Variants in PARVG observed in about 807,000 individuals in gnomAD.
PARVG encodes gamma-parvin.
Under a neutral mutation model 44.4 loss-of-function variants are expected in PARVG, and 36 were observed. That is an observed-to-expected ratio of 0.81 (90% CI 0.62 to 1.07). The LOEUF is 1.07. Ranked by LOEUF, PARVG falls within the 50% of genes least tolerant of loss-of-function variation. The pLI, the probability that PARVG is intolerant of heterozygous loss-of-function variation, is 0.00. For synonymous variants in PARVG, 170 were observed against 174.1 expected, an observed-to-expected ratio of 0.98 and a Z score of 0.19; for missense variants, 407 against 407.4, an observed-to-expected ratio of 1.00 and a Z score of 0.01.
In PARVG at chr22:44,206,474, G is replaced by A; in HGVS notation, c.*48G>A. The A allele has an allele frequency of 6.4e-7, 1 of 1,565,176 alleles. No homozygotes were observed. Among genetic ancestry groups the A allele is most frequent in the Non-Finnish European group, 8.8e-7 (1 of 1,136,188 alleles). On this transcript the variant is annotated 3_prime_UTR_variant, in exon 14 of 14. Coordinates refer to ENST00000444313, the MANE Select transcript of PARVG (RefSeq NM_022141.7). The stretch of plus-strand genomic sequence containing the variant: ...GAGCCTGCCTGTCAGCCCAGCTGGA[G>A]GGCCCGAGGCTGCAGGGTGTCCTCC...
chr22:44,203,192 G>A (rs1053651407), intron 12 of PARVG, among the ~76,000 whole-genome samples: 2 of 152,202 alleles, frequency 1.3e-5, no homozygotes, highest in African/African-American at 4.8e-5. Flanking sequence ...AGCTCTATGA[G>A]GGCAGGAGGT....
intron 12 of PARVG, among the ~76,000 whole-genome samples, chr22:44,199,031 T>C (rs901736103): frequency 4.3e-5 from 5 of 117,408 alleles, no homozygotes; most frequent in African/African-American, 1.9e-4. Flanking sequence ...ATTATCTACC[T>C]ACCTGACCGC....
At chr22:44,178,548 G>C (rs1280332106), upstream of PARVG, among the ~76,000 whole-genome samples, 1 of 152,192 alleles carries the variant, frequency 6.6e-6, no homozygotes, top group Non-Finnish European at 1.5e-5. Context: ...TTAATGTCTA[G>C]CATTCAATAA....
At chr22:44,180,728 C>T (rs2054363190), upstream of PARVG, among the ~76,000 whole-genome samples, 1 of 152,192 alleles carries the variant, frequency 6.6e-6, no homozygotes, top group Non-Finnish European at 1.5e-5. Context: ...ATATTAGCAA[C>T]AATACCAGTA....
At chr22:44,175,523 G>A (rs2054310788) in intron 1 of PARVG, among the ~76,000 whole-genome samples, 1 of 152,236 alleles carries the variant, frequency 6.6e-6, no homozygotes, top group Non-Finnish European at 1.5e-5. Flanking sequence ...ACTCTTTGGG[G>A]TTTAAATTTG....
upstream of PARVG, among the ~76,000 whole-genome samples, chr22:44,179,460 C>T (rs2054348287): frequency 1.3e-5 from 2 of 152,214 alleles, no homozygotes; most frequent in Admixed American, 1.3e-4. The surrounding 1 kb of genome is among the most constrained non-coding windows in gnomAD (Gnocchi z 4.2). Context: ...CCTTTTCTTG[C>T]TTTAAACTCT....
At position 44,198,576 on chromosome 22, in the gene PARVG, G is replaced by A. The variant is rs200875106; in HGVS notation, c.712-45G>A. The A allele has an allele frequency of 1.2e-3, 1,695 of 1,462,658 alleles. 18 individuals are homozygous for A. The highest frequency in any genetic ancestry group is 8.1e-4 in the Admixed American group (48 of 59,098). The allele number at this position is 1,462,658 out of a possible 1,614,324, so 90.6% of individuals were successfully genotyped here. On this transcript the variant is annotated intron_variant, in intron 11 of 13. Transcript: ENST00000444313. Reference sequence around the variant, plus strand: ...GCCTGTAAAAGACAGAGTGGGCTTCGCCAGGCTTCTTCCATGTGATTGTCT... The same window carrying A: ...GCCTGTAAAAGACAGAGTGGGCTTCACCAGGCTTCTTCCATGTGATTGTCT...
At chr22:44,206,160 G>T (rs910662331) in intron 13 of PARVG, among the ~76,000 whole-genome samples, 157 bp from the exon 14 acceptor site, 1 of 152,146 alleles carries the variant, frequency 6.6e-6, no homozygotes, top group African/African-American at 2.4e-5. Context: ...CAGCAGGCGC[G>T]GGACCCAGGC....
intron 4 of PARVG, 192 bp from the exon 5 acceptor site, chr22:44,187,584 A>G: frequency 1.6e-6 from 1 of 617,934 alleles, no homozygotes. Flanking sequence ...AGAAGCAGGG[A>G]GTCTGCAGGA....
intron 4 of PARVG, chr22:44,186,591 C>T (rs554266694): frequency 4.2e-6 from 2 of 471,252 alleles, no homozygotes; most frequent in Admixed American, 4.7e-5. Context: ...CCTGGCCCAG[C>T]CCTGTGACTG....
In PARVG at chr22:44,198,881, T is replaced by TCCAC. The variant is rs1278085538; in HGVS notation, c.813+161_813+164dup. Among the ~76,000 whole-genome samples, 161 of 143,836 alleles carry TCCAC rather than the reference T, an allele frequency of 1.1e-3. 3 individuals carry two copies. The highest frequency in any genetic ancestry group is 3.6e-3 in the African/African-American group (141 of 38,962). 94.4% of individuals were successfully genotyped at this position (143,836 alleles called of 152,430 possible). On this transcript the variant is annotated intron_variant, in intron 12 of 13. Coordinates refer to ENST00000444313, the MANE Select transcript of PARVG (RefSeq NM_022141.7). ...GCCTATCCATCCATCCATCCATCCA[T>TCCAC]CCACCTATTCACCTATCCATCCATC...
intron 8 of PARVG, among the ~76,000 whole-genome samples, chr22:44,193,340 C>G (rs2054574780): frequency 6.6e-6 from 1 of 152,110 alleles, no homozygotes; most frequent in Non-Finnish European, 1.5e-5. Context: ...ACAGGCAAAA[C>G]CAACAGATGG....
intron 5 of PARVG, chr22:44,188,803 G>T: frequency 2.5e-6 from 1 of 405,620 alleles, no homozygotes; most frequent in East Asian, 4.6e-5. Flanking sequence ...GTGCAGAAGG[G>T]CAGGGGCTGC....
intron 1 of PARVG, among the ~76,000 whole-genome samples, chr22:44,174,697 C>T (rs1452046214): frequency 1.3e-5 from 2 of 151,188 alleles, no homozygotes; most frequent in African/African-American, 4.9e-5. Flanking sequence ...GATCACCCCA[C>T]TGCACTCCAG....
intron 12 of PARVG, among the ~76,000 whole-genome samples, chr22:44,203,997 A>C (rs891434878): frequency 5.3e-5 from 8 of 152,322 alleles, no homozygotes; most frequent in Middle Eastern, 6.8e-3. Context: ...GGCACGTGCC[A>C]CCACACCCAG....
At chr22:44,175,821 A>T (rs1001397688) in intron 1 of PARVG, among the ~76,000 whole-genome samples, 1 of 152,234 alleles carries the variant, frequency 6.6e-6, no homozygotes, top group African/African-American at 2.4e-5. Flanking sequence ...GCATCTGGGC[A>T]TAGAGGCGGG....
At position 44,185,999 on chromosome 22, in the gene PARVG, G is replaced by A. The variant is rs552933933; in HGVS notation, c.144+127G>A. On this transcript the variant is annotated intron_variant, in intron 4 of 13. Coordinates refer to ENST00000444313, the MANE Select transcript of PARVG (RefSeq NM_022141.7). ...CTCAGGCTGGGGGGTGGCGACCCCC[G>A]AAGACCCCTGGAAGGCCTGTTGAAT... The A allele has an allele frequency of 3.3e-4, 235 of 708,342 alleles. 3 individuals are homozygous for A. In the South Asian group the frequency reaches 3.5e-3, roughly 11 times the overall value. The allele number at this position is 708,342 out of a possible 1,614,324, so 43.9% of individuals were successfully genotyped here. A position where few individuals can be genotyped will look rare whatever the true frequency, so the allele number is the denominator to read the frequency against.
chr22:44,197,323 G>A (rs2054632056), intron 11 of PARVG, among the ~76,000 whole-genome samples: 1 of 152,216 alleles, frequency 6.6e-6, no homozygotes, highest in Admixed American at 6.5e-5. Context: ...TGCTTTCCAT[G>A]TTAACTCATT....
At chr22:44,193,318 T>C (rs1477376291) in intron 8 of PARVG, among the ~76,000 whole-genome samples, 1 of 152,126 alleles carries the variant, frequency 6.6e-6, no homozygotes, top group Non-Finnish European at 1.5e-5. Context: ...TTCATTTCCA[T>C]GAACTTCCAG....
Sources: allele counts gnomAD v4.1 joint callset (sites outside exome capture counted in the v4.1 genomes callset), GRCh38; gene constraint gnomAD v4.1.1; non-coding constraint Gnocchi (gnomAD v3.1); transcripts MANE v1.5; gene names NCBI Gene and HGNC (gene_info 2026-07-23, HGNC 2026-07-21).